Variants in PZP observed in about 807,000 individuals in gnomAD.
The protein encoded by PZP is pregnancy zone protein.
A neutral mutation model predicts 179.8 loss-of-function variants in PZP; 150 were observed. The ratio of observed to expected loss-of-function variants is 0.83; its 90% CI spans 0.73 to 0.96. PZP has a LOEUF of 0.96. Ranked by LOEUF, PZP falls within the 40% of genes least tolerant of loss-of-function variation. PZP has a pLI of 0.00. For missense variants in PZP, 1,689 were observed against 1,764.0 expected (o/e 0.96, Z 0.76); for synonymous variants, 624 against 652.3 (o/e 0.96, Z 0.66).
intron 2 of PZP, 77 bp from the exon 3 acceptor site, chr12:9,202,761 C>T (rs995906681): frequency 1.7e-5 from 24 of 1,373,308 alleles, no homozygotes; most frequent in Non-Finnish European, 2.3e-5. Context: ...ATTGCTATTT[C>T]CTATCTCTCC....
intron 20 of PZP, 110 bp from the exon 21 acceptor site, chr12:9,163,899 A>G: frequency 7.2e-7 from 1 of 1,387,530 alleles, no homozygotes; most frequent in Non-Finnish European, 9.7e-7. Flanking sequence ...AGGCTAAAAA[A>G]AAAGAAACCC....
intron 5 of PZP, 129 bp from the exon 6 acceptor site, chr12:9,201,189 A>G (rs1045450517): frequency 1.5e-6 from 2 of 1,371,554 alleles, no homozygotes. Flanking sequence ...GAGAAAATAC[A>G]ATCAACCTGA....
At chr12:9,169,383 T>G (rs1382841981) in intron 16 of PZP, 47 bp downstream of exon 16, 18 of 1,481,336 alleles carry the variant, frequency 1.2e-5, no homozygotes, top group Admixed American at 2.1e-5. Flanking sequence ...TTTATTAACA[T>G]TCAAAAACTC....
intron 13 of PZP, among the ~76,000 whole-genome samples, chr12:9,183,834 T>A (rs1942932143): frequency 1.3e-5 from 2 of 152,222 alleles, no homozygotes; most frequent in South Asian, 4.1e-4. Flanking sequence ...TTTATATCAC[T>A]ATGTGTTTAT....
At chr12:9,152,119 G>T in intron 32 of PZP, 101 bp downstream of exon 32, 1 of 912,888 alleles carries the variant, frequency 1.1e-6, no homozygotes, top group Non-Finnish European at 1.8e-6. Context: ...ATTTTTTTGA[G>T]GCAGGATGAT....
Position 9,152,871 on chromosome 12 carries a change from G to C in PZP, c.4074C>G (p.Cys1358Trp), listed in dbSNP as rs1014089570. 1 of 1,614,030 alleles carries C rather than the reference G, an allele frequency of 6.2e-7. No individual in the cohort carries two copies. Among genetic ancestry groups the C allele is most frequent in the Non-Finnish European group, 8.5e-7 (1 of 1,179,948 alleles). Reference protein sequence around the residue: ...ALKVQTVPQTCDGHKAHTSFQ... With the variant: ...ALKVQTVPQTWDGHKAHTSFQ... Reference sequence around the variant, plus strand: ...AGCTGGTGTGGGCTTTGTGTCCATCGCAAGTTTGGGGCACAGTCTGCACTT... The same window carrying C: ...AGCTGGTGTGGGCTTTGTGTCCATCCCAAGTTTGGGGCACAGTCTGCACTT... The change falls in exon 31 of 36, where the codon TGC becomes TGG. Residue 1358 changes from cysteine (C) to tryptophan (W), a missense_variant. Cys to Trp is a radical substitution (Grantham distance 215). Coordinates refer to ENST00000261336, the MANE Select transcript of PZP (RefSeq NM_002864.3).
chr12:9,154,335 A>G (rs927141957), intron 29 of PZP, among the ~76,000 whole-genome samples: 2 of 151,616 alleles, frequency 1.3e-5, no homozygotes, highest in African/African-American at 2.4e-5. Context: ...ATGCTGAAAA[A>G]CTCTGGTCTA....
Position 9,203,936 on chromosome 12 carries a change from C to G in PZP, c.99G>C (p.Leu33=). 1 of 1,613,384 alleles carries G rather than the reference C, an allele frequency of 6.2e-7. No individual in the cohort carries two copies. ...CCTCAGTGTGGAGCAGGGAGGGGACCAGCACCATATACTGCCTGGGAAAGG... is the reference window on the plus strand; with the variant it reads ...CCTCAGTGTGGAGCAGGGAGGGGACGAGCACCATATACTGCCTGGGAAAGG... ...SNSTEPQYMV[L]VPSLLHTEAP... is the part of the protein sequence containing the mutation. Residue 33 remains leucine, a synonymous_variant, in exon 2 of 36, where the codon CTG becomes CTC. Transcript: ENST00000261336.
At chr12:9,185,814 C>CTTT (rs1555173441) in intron 13 of PZP, among the ~76,000 whole-genome samples, 1 of 147,234 alleles carries the variant, frequency 6.8e-6, no homozygotes, top group Admixed American at 6.8e-5. Context: ...CTTTTCTTTT[C>CTTT]TTTTTTTTTT....
At chr12:9,193,688 T>C (rs1358291491) in intron 11 of PZP, among the ~76,000 whole-genome samples, 2 of 152,178 alleles carry the variant, frequency 1.3e-5, no homozygotes, top group Non-Finnish European at 2.9e-5. Context: ...GGGAAATCTT[T>C]TGATCATCGT....
At chr12:9,153,373 A>G (rs1484549757) in intron 29 of PZP, 30 bp from the exon 30 acceptor site, 8 of 1,578,624 alleles carry the variant, frequency 5.1e-6, no homozygotes, top group Non-Finnish European at 6.9e-6. Flanking sequence ...AACCGCCCCA[A>G]AGAGTAAATT....
chr12:9,139,069 G>C, the PZP span, among the ~76,000 whole-genome samples: 1 of 151,908 alleles, frequency 6.6e-6, no homozygotes, highest in Non-Finnish European at 1.5e-5. Context: ...ATTTATCACA[G>C]TAAACCTCCT....
At chr12:9,188,858 C>A (rs1372907105) in intron 13 of PZP, among the ~76,000 whole-genome samples, 1 of 152,026 alleles carries the variant, frequency 6.6e-6, no homozygotes, top group Non-Finnish European at 1.5e-5. Context: ...TTATAAAACA[C>A]CGCTCAAAGA....
intron 22 of PZP, 22 bp downstream of exon 22, chr12:9,162,575 G>A (rs1336107078): frequency 4.6e-6 from 7 of 1,536,864 alleles, no homozygotes; most frequent in Non-Finnish European, 6.3e-6. Flanking sequence ...ATCTCACTAT[G>A]ATTATGAAGA....
chr12:9,194,057 AT>A lies in PZP; in HGVS notation c.1254+19del, dbSNP rs1418212816. ...CCTAACATTTCCTTTGTCCTCAGAG[AT>A]TTGTCTTTCTATACTTACCCGGACA... On this transcript the variant is annotated intron_variant, in intron 11 of 35. Transcript: ENST00000261336. 2.6e-5 allele frequency: 42 copies of A among 1,598,890 alleles called. 1 individual carries two copies. The highest frequency in any genetic ancestry group is 3.3e-5 in the Non-Finnish European group (39 of 1,167,758).
chr12:9,168,162 A>G (rs951126451), intron 17 of PZP, among the ~76,000 whole-genome samples: 5 of 152,320 alleles, frequency 3.3e-5, no homozygotes, highest in Admixed American at 6.5e-5. Context: ...CAAGGTCTTG[A>G]AGAGCCATTA....
At chr12:9,194,555 C>T (rs1317497721) in intron 10 of PZP, among the ~76,000 whole-genome samples, 1 of 151,386 alleles carries the variant, frequency 6.6e-6, no homozygotes, top group East Asian at 1.9e-4. Context: ...AGCTCTGCCT[C>T]CTGGACTCAC....
At chr12:9,208,069 A>C (rs971105952) in intron 1 of PZP, among the ~76,000 whole-genome samples, 190 bp downstream of exon 1, 2 of 152,182 alleles carry the variant, frequency 1.3e-5, no homozygotes, top group South Asian at 2.1e-4. Flanking sequence ...TGATTGGCCC[A>C]GTGTAGAAAA....
At chr12:9,151,908 A>G (rs1592437816) in intron 32 of PZP, among the ~76,000 whole-genome samples, 4 of 152,282 alleles carry the variant, frequency 2.6e-5, no homozygotes, top group South Asian at 4.1e-4. Context: ...TTTTTAGTGC[A>G]TATCAGTCAG....
Sources: allele counts gnomAD v4.1 joint callset (sites outside exome capture counted in the v4.1 genomes callset), GRCh38; gene constraint gnomAD v4.1.1; transcripts MANE v1.5; gene names NCBI Gene and HGNC (gene_info 2026-07-23, HGNC 2026-07-21).